Variants in ERC1 observed in about 807,000 individuals in gnomAD.
The protein encoded by ERC1 is ELKS/RAB6-interacting/CAST family member 1.
ERC1 carries 56 observed loss-of-function variants against 132.0 expected under a neutral mutation model. The ratio of observed to expected loss-of-function variants is 0.42; its 90% confidence interval spans 0.34 to 0.53. ERC1 has a LOEUF of 0.53. ERC1 is among the 20% of genes least tolerant of loss of function. The probability of loss-of-function intolerance (pLI) is 0.03; values close to 1 mark genes in which losing one functional copy is unlikely to be tolerated. For synonymous variants in ERC1, 478 were observed against 476.1 expected (o/e 1.00, Z -0.05); for missense variants, 1,202 against 1,349.9 (o/e 0.89, Z 1.72).
rs375808801 is a variant in ERC1 at position 1,278,966 on chromosome 12, A to C, written c.2620-10886A>C. Among the ~76,000 whole-genome samples, 10 of 152,254 alleles carry C rather than the reference A, an allele frequency of 6.6e-5. No individual in the cohort carries two copies. The South Asian group carries it at 1.7e-3, about 25-fold the overall frequency. ...TATAAATAATATAACAGTAAAAAAA[A>C]AGTGGAGATTTTATACTCAACATGA... is the stretch of plus-strand genomic sequence containing the variant. On this transcript the variant is annotated intron_variant, in intron 14 of 18. Coordinates refer to ENST00000360905, the MANE Select transcript of ERC1 (RefSeq NM_178040.4).
chr12:1,136,615 G>A (rs1423096503), intron 7 of ERC1, among the ~76,000 whole-genome samples: 2 of 152,134 alleles, frequency 1.3e-5, no homozygotes. Flanking sequence ...AATCTTCACT[G>A]ACTTCCATTT....
chr12:1,344,781 G>A (rs1327776570), intron 15 of ERC1, among the ~76,000 whole-genome samples: 1 of 152,060 alleles, frequency 6.6e-6, no homozygotes, highest in African/African-American at 2.4e-5. Context: ...TAACAACTCC[G>A]TTAAGTTTAC....
intron 1 of ERC1, among the ~76,000 whole-genome samples, chr12:1,005,958 T>A (rs1963488225): frequency 6.7e-6 from 1 of 149,218 alleles, no homozygotes; most frequent in South Asian, 2.1e-4. Flanking sequence ...AAAATTCTTA[T>A]TACTTTTTTT....
chr12:1,386,617 C>T (rs1478977988), intron 16 of ERC1: 8 of 130,518 alleles, frequency 6.1e-5, no homozygotes, highest in African/African-American at 2.6e-4. Context: ...CACTGCACTC[C>T]ATCCAGCCTG....
rs111777961 is a variant in ERC1, at chr12:1,352,695, T to C, written c.2781-19138T>C. Among the ~76,000 whole-genome samples, 122 of 150,892 alleles carry C rather than the reference T, an allele frequency of 8.1e-4. 3 individuals are homozygous for C. Among genetic ancestry groups the C allele is most frequent in the African/African-American group, 2.9e-3 (115 of 40,182 alleles). On this transcript the variant is annotated intron_variant, in intron 15 of 18. Transcript: ENST00000360905. ...CAGTTTTCTCTACTACACTTGTCCA[T>C]GCACATAGTGGTCGCAGACATTTGA...
At chr12:1,269,100 T>C (rs767673562) in intron 14 of ERC1, among the ~76,000 whole-genome samples, 1 of 152,214 alleles carries the variant, frequency 6.6e-6, no homozygotes, top group Admixed American at 6.5e-5. Flanking sequence ...TTATAACTTA[T>C]TCAGTGGGTG....
chr12:1,227,973 A>G (rs569546574), intron 12 of ERC1, among the ~76,000 whole-genome samples: 1 of 152,124 alleles, frequency 6.6e-6, no homozygotes, highest in Non-Finnish European at 1.5e-5. Context: ...AAATGCATGC[A>G]TTTATTTCTG....
chr12:1,037,540 A>G (rs1210585952), intron 2 of ERC1, among the ~76,000 whole-genome samples: 1 of 152,140 alleles, frequency 6.6e-6, no homozygotes, highest in Non-Finnish European at 1.5e-5. Flanking sequence ...TAGAAACCAT[A>G]CTTTATAAGA....
At chr12:1,429,096 C>A (rs2092720816) in intron 17 of ERC1, among the ~76,000 whole-genome samples, 1 of 152,182 alleles carries the variant, frequency 6.6e-6, no homozygotes. Context: ...AGCAAAACTT[C>A]ATTTCTTTTC....
chr12:1,133,415 C>T lies in ERC1; in HGVS notation c.1570-8205C>T, dbSNP rs190652713. Among the ~76,000 whole-genome samples, 31 of 152,244 alleles carry T rather than the reference C, an allele frequency of 2.0e-4. No individual in the cohort carries two copies. In the East Asian group the frequency reaches 5.6e-3, roughly 27 times the overall value. ...GACTGATGCCTTGTAATGGGTTCAGCTAATAGGAACCAAACCTGACACTGT... is the reference window on the plus strand; with the variant it reads ...GACTGATGCCTTGTAATGGGTTCAGTTAATAGGAACCAAACCTGACACTGT... On this transcript the variant is annotated intron_variant, in intron 7 of 18. Transcript: ENST00000360905.
At chr12:1,308,218 TA>T (rs1192421053) in intron 15 of ERC1, among the ~76,000 whole-genome samples, 1 of 151,812 alleles carries the variant, frequency 6.6e-6, no homozygotes, top group Admixed American at 6.6e-5. Flanking sequence ...TTGTTATTAT[TA>T]TTATTATTAT....
intron 15 of ERC1, among the ~76,000 whole-genome samples, chr12:1,336,308 T>C (rs1182611503): frequency 1.3e-5 from 2 of 152,158 alleles, no homozygotes; most frequent in East Asian, 1.9e-4. Flanking sequence ...GTTGGTTTGC[T>C]CTCGGTTCTC....
At chr12:1,294,337 A>T (rs997132929) in intron 15 of ERC1, among the ~76,000 whole-genome samples, 2 of 151,108 alleles carry the variant, frequency 1.3e-5, no homozygotes, top group African/African-American at 2.5e-5. Context: ...AACCATGTTT[A>T]AAAAAAAATC....
intron 1 of ERC1, among the ~76,000 whole-genome samples, chr12:1,005,583 T>C (rs965793038): frequency 5.9e-5 from 9 of 152,208 alleles, no homozygotes; most frequent in African/African-American, 2.2e-4. Context: ...TTTCTGGTGG[T>C]TACTGTAGTC....
intron 7 of ERC1, among the ~76,000 whole-genome samples, chr12:1,133,909 G>A (rs1005645397): frequency 6.6e-6 from 1 of 152,102 alleles, no homozygotes; most frequent in Non-Finnish European, 1.5e-5. Context: ...ACCGTAATCT[G>A]TGTTATTTCT....
intron 12 of ERC1, among the ~76,000 whole-genome samples, chr12:1,215,937 T>C (rs1958364861): frequency 6.6e-6 from 1 of 152,230 alleles, no homozygotes; most frequent in South Asian, 2.1e-4. Flanking sequence ...ACAACTTTTA[T>C]AATTCAATTG....
chr12:1,441,763 A>G lies in ERC1; in HGVS notation c.3025-2799A>G, dbSNP rs147960839. ...AAAACCAAGCTTTTAAAAAATGAGG[A>G]ATGAAATAGGGATATGTTACTTGGC... On this transcript the variant is annotated intron_variant, in intron 17 of 18. Transcript: ENST00000360905. Among the ~76,000 whole-genome samples the G allele has an allele frequency of 2.7e-3, 417 of 152,314 alleles. 3 individuals carry two copies. Among genetic ancestry groups the G allele is most frequent in the African/African-American group, 9.7e-3 (405 of 41,578 alleles).
intron 2 of ERC1, among the ~76,000 whole-genome samples, chr12:1,029,069 T>C (rs950399572): frequency 3.3e-5 from 5 of 152,158 alleles, no homozygotes; most frequent in Non-Finnish European, 7.4e-5. Flanking sequence ...AAAAAGTTAA[T>C]GTTGGCCGGG....
intron 3 of ERC1, among the ~76,000 whole-genome samples, chr12:1,084,624 A>G (rs532459361): frequency 1.3e-5 from 2 of 152,162 alleles, no homozygotes; most frequent in Non-Finnish European, 1.5e-5. Context: ...AACTCAAAGT[A>G]TTGTTACCTA....
Sources: gnomAD v4.1 joint callset for allele counts (sites outside exome capture counted in the v4.1 genomes callset) on GRCh38, gnomAD v4.1.1 for gene constraint, MANE v1.5 for transcripts, NCBI Gene and HGNC (gene_info 2026-07-23, HGNC 2026-07-21) for gene names.